Variants in AIG1 observed in about 807,000 individuals in gnomAD.
AIG1 encodes the protein androgen-induced gene 1 protein.
In AIG1, 23 loss-of-function variants were observed where a neutral mutation model predicts 31.4. The ratio of observed to expected loss-of-function variants is 0.73; its 90% CI spans 0.53 to 1.04. AIG1 has a LOEUF of 1.04. AIG1 is among the 50% of genes least tolerant of loss of function. The pLI is 0.00. For missense variants in AIG1, 274 were observed against 295.0 expected, an observed-to-expected ratio of 0.93 and a Z score of 0.52; for synonymous variants, 100 against 110.5, an observed-to-expected ratio of 0.90 and a Z score of 0.60.
chr6:143,247,592 G>A (rs894251003), intron 3 of AIG1, among the ~76,000 whole-genome samples: 1 of 152,182 alleles, frequency 6.6e-6, no homozygotes, highest in Non-Finnish European at 1.5e-5. Context: ...GGCCTAGTGG[G>A]TACCTTCCAG....
intron 1 of AIG1, among the ~76,000 whole-genome samples, chr6:143,126,930 A>G (rs1182199224): frequency 6.6e-6 from 1 of 152,150 alleles, no homozygotes; most frequent in African/African-American, 2.4e-5. Flanking sequence ...GGACTATAGT[A>G]CCTATATAGT....
chr6:143,252,112 T>C (rs144591748), intron 3 of AIG1, among the ~76,000 whole-genome samples: 1 of 152,288 alleles, frequency 6.6e-6, no homozygotes, highest in Non-Finnish European at 1.5e-5. Flanking sequence ...TGCTTTTTCA[T>C]CTTGTTTTGT....
chr6:143,113,400 C>T (rs1289359604), intron 1 of AIG1, among the ~76,000 whole-genome samples: 1 of 151,634 alleles, frequency 6.6e-6, no homozygotes, highest in African/African-American at 2.4e-5. Context: ...GTCAGGAGTT[C>T]GAGACCAGCC....
At chr6:143,152,146 G>A (rs984796273) in intron 2 of AIG1, among the ~76,000 whole-genome samples, 1 of 152,030 alleles carries the variant, frequency 6.6e-6, no homozygotes, top group African/African-American at 2.4e-5. Context: ...TACACCCAAG[G>A]CATCAAATAG....
intron 4 of AIG1, among the ~76,000 whole-genome samples, chr6:143,321,916 A>G (rs1776247844): frequency 6.6e-6 from 1 of 152,222 alleles, no homozygotes; most frequent in African/African-American, 2.4e-5. Context: ...CAGGGACCAC[A>G]TCTACTTCAT....
At position 143,268,825 on chromosome 6, in the gene AIG1, C is replaced by A. The variant is rs1416176507; in HGVS notation, c.400-15285C>A. On this transcript the variant is annotated intron_variant, in intron 3 of 5. Transcript: ENST00000357847. The surrounding 1 kb of genome is among the most constrained non-coding windows in gnomAD (Gnocchi z 5.0). ...TTGGGGATTGGACTTACTTCCCCAG[C>A]AGGTGGGAGTGCCGTCAGTTTCAGC... Among the ~76,000 whole-genome samples, 3 of 152,196 alleles carry A rather than the reference C, an allele frequency of 2.0e-5. No individual in the cohort carries two copies. Among genetic ancestry groups the A allele is most frequent in the Admixed American group, 6.5e-5 (1 of 15,284 alleles).
chr6:143,141,906 G>A (rs1784275489), intron 2 of AIG1, among the ~76,000 whole-genome samples: 1 of 151,972 alleles, frequency 6.6e-6, no homozygotes, highest in African/African-American at 2.4e-5. Context: ...GGAGGCATGA[G>A]AGAAGAGCAG....
chr6:143,259,880 G>T (rs1359736518), intron 3 of AIG1, among the ~76,000 whole-genome samples: 1 of 152,132 alleles, frequency 6.6e-6, no homozygotes, highest in Non-Finnish European at 1.5e-5. Flanking sequence ...CATTTGAGTT[G>T]CCTAAAAGTT....
rs1362223693 is a variant in AIG1 at position 143,061,627 on chromosome 6, C to G, written c.141+561C>G. ...TTTTTCCCCCATTGTCAATAATTTA[C>G]TTTCAACCTTTACCCCGTACATATT... On this transcript the variant is annotated intron_variant, in intron 1 of 5. Coordinates refer to ENST00000357847, the MANE Select transcript of AIG1 (RefSeq NM_016108.4). The G allele has an allele frequency of 1.4e-5, 4 of 289,800 alleles. No homozygotes were observed. In the Admixed American group the frequency reaches 1.8e-4, roughly 13 times the overall value. 18.0% of individuals were successfully genotyped at this position (289,800 alleles called of 1,614,324 possible).
At chr6:143,296,613 C>CA (rs1798443891) in intron 4 of AIG1, among the ~76,000 whole-genome samples, 1 of 152,106 alleles carries the variant, frequency 6.6e-6, no homozygotes, top group South Asian at 2.1e-4. Flanking sequence ...CAGAGGCACA[C>CA]ATTAAAATCT....
At chr6:143,092,659 A>G (rs980572314) in intron 1 of AIG1, among the ~76,000 whole-genome samples, 2 of 152,148 alleles carry the variant, frequency 1.3e-5, no homozygotes, top group African/African-American at 2.4e-5. Context: ...CTGTAAACAG[A>G]ACCCTTAGAT....
intron 1 of AIG1, among the ~76,000 whole-genome samples, chr6:143,063,507 T>A (rs1776438600): frequency 6.6e-6 from 1 of 152,236 alleles, no homozygotes; most frequent in Non-Finnish European, 1.5e-5. Context: ...AGCTTAAGCA[T>A]TGTACAGCTG....
chr6:143,096,748 C>T (rs757087980), intron 1 of AIG1, among the ~76,000 whole-genome samples: 1 of 152,120 alleles, frequency 6.6e-6, no homozygotes, highest in Non-Finnish European at 1.5e-5. Flanking sequence ...TTCTTAATGA[C>T]GCTTCTGTCT....
At chr6:143,211,174 G>A (rs1301572987) in intron 3 of AIG1, among the ~76,000 whole-genome samples, 1 of 152,152 alleles carries the variant, frequency 6.6e-6, no homozygotes, top group African/African-American at 2.4e-5. Flanking sequence ...GACAGAGTGA[G>A]TGAGTGGTGA....
rs7454731 is a variant in AIG1, at chr6:143,340,963, G to A, written c.*1287G>A. Among the ~76,000 whole-genome samples, 108,803 of 152,002 alleles carry A rather than the reference G, an allele frequency of 0.72. 40,839 individuals carry two copies. The highest frequency in any genetic ancestry group is 1 in the East Asian group (5,183 of 5,190). On this transcript the variant is annotated 3_prime_UTR_variant, in exon 6 of 6. Coordinates refer to ENST00000357847, the MANE Select transcript of AIG1 (RefSeq NM_016108.4). ...ACATTTTAAAATTAAAAAATGAAAA[G>A]CATTAAACTTTTTAATTTGAAAAAA... is the stretch of plus-strand genomic sequence containing the variant.
chr6:143,128,801 A>G (rs1007228082), intron 1 of AIG1, among the ~76,000 whole-genome samples: 1 of 152,254 alleles, frequency 6.6e-6, no homozygotes. Flanking sequence ...ACTGACAGAA[A>G]CCTCAAGTGT....
chr6:143,263,608 A>G (rs1795959438), intron 3 of AIG1, among the ~76,000 whole-genome samples: 1 of 152,236 alleles, frequency 6.6e-6, no homozygotes, highest in Non-Finnish European at 1.5e-5. Context: ...GGTTCTTCAG[A>G]CAAAGGAATC....
downstream of AIG1, chr6:143,343,134 C>CA: frequency 2.6e-6 from 2 of 757,906 alleles, no homozygotes; most frequent in Non-Finnish European, 4.9e-6. Context: ...GGAGGCTTGC[C>CA]ATTATTTACT....
intron 1 of AIG1, among the ~76,000 whole-genome samples, chr6:143,103,594 G>T (rs1012834106): frequency 7.6e-6 from 1 of 130,740 alleles, no homozygotes; most frequent in East Asian, 2.6e-4. Context: ...TGCAAGCTCC[G>T]CCTCCCGGGT....
Sources: gnomAD v4.1 joint callset for allele counts (sites outside exome capture counted in the v4.1 genomes callset) on GRCh38, gnomAD v4.1.1 for gene constraint, Gnocchi (gnomAD v3.1) non-coding constraint, MANE v1.5 for transcripts, NCBI Gene and HGNC (gene_info 2026-07-23, HGNC 2026-07-21) for gene names.